GSDME: variants seen among roughly 807,000 people sequenced by gnomAD.
GSDME encodes gasdermin E, also known as gasdermin-E.
A neutral mutation model predicts 47.5 loss-of-function variants in GSDME; 44 were observed. The observed-to-expected ratio is 0.93, with a 90% CI of 0.73 to 1.19. GSDME has a LOEUF of 1.19. GSDME is among the 50% of genes most tolerant of loss of function. The pLI, the probability that GSDME is intolerant of heterozygous loss-of-function variation, is 0.00. For missense variants in GSDME, 663 were observed against 604.2 expected, an observed-to-expected ratio of 1.10 and a Z score of -1.02; for synonymous variants, 258 against 252.8, an observed-to-expected ratio of 1.02 and a Z score of -0.20.
chr7:24,767,249 G>A, the GSDME span, among the ~76,000 whole-genome samples: 2 of 152,252 alleles, frequency 1.3e-5, no homozygotes, highest in East Asian at 1.9e-4. The surrounding 1 kb of genome is among the most constrained non-coding windows in gnomAD (Gnocchi z 5.3). Flanking sequence ...GCTTGAACCT[G>A]GGAGGCAGAG....
Position 24,714,743 on chromosome 7 carries a change from C to G in GSDME, c.697+2511G>C, listed in dbSNP as rs911075417. 3.9e-5 allele frequency among the ~76,000 whole-genome samples: 6 copies of G among 152,224 alleles called. No individual in the cohort carries two copies. Among genetic ancestry groups the G allele is most frequent in the African/African-American group, 9.6e-5 (4 of 41,468 alleles). On this transcript the variant is annotated intron_variant, in intron 5 of 9. Transcript: ENST00000645220. This position sits in a 1 kb window ranked among gnomAD's most constrained non-coding sequence, Gnocchi z 5.0. ...CCATCTGAGAAAGAGAGGCTACCTC[C>G]ACAGAGCTGCGTCAGGGCAGGGTCT...
chr7:24,786,127 G>T, the GSDME span, among the ~76,000 whole-genome samples: 2 of 152,242 alleles, frequency 1.3e-5, no homozygotes, highest in South Asian at 2.1e-4. The surrounding 1 kb of genome is among the most constrained non-coding windows in gnomAD (Gnocchi z 5.5). Context: ...GAGCTTTAAT[G>T]ATAATCTGTC....
rs1790269671 is a variant in GSDME, at chr7:24,735,348, C to A, written c.404+9214G>T. On this transcript the variant is annotated intron_variant, in intron 3 of 9. Transcript: ENST00000645220. This position sits in a 1 kb window ranked among gnomAD's most constrained non-coding sequence, Gnocchi z 4.4. ...AAGCAATAAGAAATCATCTGAAAGT[C>A]CAAAATGTACTTGTAAGTACACAGA... is the stretch of plus-strand genomic sequence containing the variant. 6.6e-6 allele frequency among the ~76,000 whole-genome samples: 1 copy of A among 152,100 alleles called. No homozygotes were observed. The highest frequency in any genetic ancestry group is 6.5e-5 in the Admixed American group (1 of 15,270).
rs1789918066 is a variant in GSDME, at chr7:24,724,952, T to A, written c.405-5734A>T. Among the ~76,000 whole-genome samples, 2 of 152,174 alleles carry A rather than the reference T, an allele frequency of 1.3e-5. No individual in the cohort carries two copies. The highest frequency in any genetic ancestry group is 4.8e-5 in the African/African-American group (2 of 41,448). ...CTTCCCCCTCACTCTCTCTTGTTCC[T>A]CTTTCTTGCTCCTGTTCTTGCCATG... is the stretch of plus-strand genomic sequence containing the variant. On this transcript the variant is annotated intron_variant, in intron 3 of 9. Coordinates refer to ENST00000645220, the MANE Select transcript of GSDME (RefSeq NM_001127453.2). The surrounding 1 kb of genome is among the most constrained non-coding windows in gnomAD (Gnocchi z 4.8).
chr7:24,734,526 AAAC>A (rs1256551991), intron 3 of GSDME, among the ~76,000 whole-genome samples: 1 of 152,238 alleles, frequency 6.6e-6, no homozygotes, highest in Admixed American at 6.5e-5. Context: ...TGTTTTGAGG[AAAC>A]TCAAAGAAAT....
At chr7:24,711,648 C>T (rs1320278581) in intron 5 of GSDME, among the ~76,000 whole-genome samples, 3 of 151,914 alleles carry the variant, frequency 2.0e-5, no homozygotes, top group African/African-American at 7.2e-5. Flanking sequence ...GACCCCGTCT[C>T]TACAAAAAAA....
chr7:24,710,108 CAT>C (rs1789286187), intron 6 of GSDME, 114 bp downstream of exon 6: 6 of 1,178,454 alleles, frequency 5.1e-6, no homozygotes, highest in East Asian at 2.3e-5. Flanking sequence ...CCTCTCTTCT[CAT>C]ATGTTTTCTG....
the GSDME span, among the ~76,000 whole-genome samples, chr7:24,773,566 T>C: frequency 6.6e-6 from 1 of 152,234 alleles, no homozygotes; most frequent in African/African-American, 2.4e-5. This position sits in a 1 kb window ranked among gnomAD's most constrained non-coding sequence, Gnocchi z 5.4. Flanking sequence ...AGATATATTA[T>C]GCAGATCTAA....
At chr7:24,764,764 T>C in the GSDME span, among the ~76,000 whole-genome samples, 7 of 152,320 alleles carry the variant, frequency 4.6e-5, no homozygotes, top group African/African-American at 1.7e-4. This position sits in a 1 kb window ranked among gnomAD's most constrained non-coding sequence, Gnocchi z 4.4. Context: ...AAAGTGGGAA[T>C]AATCACGCCT....
intron 5 of GSDME, 122 bp from the exon 6 acceptor site, chr7:24,710,510 C>A: frequency 1.1e-6 from 1 of 907,844 alleles, no homozygotes; most frequent in South Asian, 1.4e-5. Context: ...GAGCAGAAGA[C>A]CCATCCATCT....
the GSDME span, among the ~76,000 whole-genome samples, chr7:24,767,477 C>G: frequency 2.3e-5 from 3 of 128,478 alleles, no homozygotes; most frequent in Admixed American, 2.4e-4. The surrounding 1 kb of genome is among the most constrained non-coding windows in gnomAD (Gnocchi z 5.3). Context: ...CTCCCTCCCC[C>G]GCCATCACTG....
chr7:24,708,328 T>G, intron 6 of GSDME, 74 bp from the exon 7 acceptor site: 1 of 1,560,482 alleles, frequency 6.4e-7, no homozygotes, highest in Admixed American at 1.7e-5. Context: ...AACTCCTGCT[T>G]TTTATACCTA....
At chr7:24,775,437 C>T in the GSDME span, among the ~76,000 whole-genome samples, 15 of 152,260 alleles carry the variant, frequency 9.9e-5, no homozygotes, top group Admixed American at 8.5e-4. Flanking sequence ...AAAATCATAT[C>T]GCTTGGAATG....
rs1367814935 is a variant in GSDME at position 24,721,943 on chromosome 7, T to G, written c.405-2725A>C. Among the ~76,000 whole-genome samples the G allele has an allele frequency of 2.6e-5, 4 of 152,174 alleles. No homozygotes were observed. The highest frequency in any genetic ancestry group is 9.7e-5 in the African/African-American group (4 of 41,440). ...TGATGGCCACATTTCACTGACTCAT[T>G]GGTCACCTCCTCGGGGAAGCATTCC... On this transcript the variant is annotated intron_variant, in intron 3 of 9. Coordinates refer to ENST00000645220, the MANE Select transcript of GSDME (RefSeq NM_001127453.2). This position sits in a 1 kb window ranked among gnomAD's most constrained non-coding sequence, Gnocchi z 4.1.
upstream of GSDME, among the ~76,000 whole-genome samples, chr7:24,762,671 G>A (rs1791185025): frequency 6.6e-6 from 1 of 152,126 alleles, no homozygotes; most frequent in African/African-American, 2.4e-5. Context: ...AGTATAGCGG[G>A]AAAGGCAGAC....
rs1350903697 is a variant in GSDME, at chr7:24,725,443, A to G, written c.405-6225T>C. Reference sequence around the variant, plus strand: ...GGTGTAGGAGGACGAGCCGCAGACAAAACTCCTCAGATACCAAGTTAAACA... The same window carrying G: ...GGTGTAGGAGGACGAGCCGCAGACAGAACTCCTCAGATACCAAGTTAAACA... On this transcript the variant is annotated intron_variant, in intron 3 of 9. Coordinates refer to ENST00000645220, the MANE Select transcript of GSDME (RefSeq NM_001127453.2). The surrounding 1 kb of genome is among the most constrained non-coding windows in gnomAD (Gnocchi z 5.1). Among the ~76,000 whole-genome samples, 1 of 152,122 alleles carries G rather than the reference A, an allele frequency of 6.6e-6. No individual in the cohort carries two copies. The highest frequency in any genetic ancestry group is 2.4e-5 in the African/African-American group (1 of 41,416).
intron 3 of GSDME, among the ~76,000 whole-genome samples, chr7:24,722,520 C>A (rs1167241242): frequency 6.6e-6 from 1 of 152,186 alleles, no homozygotes; most frequent in Non-Finnish European, 1.5e-5. Context: ...GCCCTCACAA[C>A]TAAGGCATGG....
intron 4 of GSDME, among the ~76,000 whole-genome samples, chr7:24,717,863 C>T (rs536981073): frequency 8.0e-4 from 121 of 152,192 alleles, no homozygotes; most frequent in Non-Finnish European, 1.4e-3. Flanking sequence ...GGGAAGAGGC[C>T]GGAGGGAGGA....
upstream of GSDME, among the ~76,000 whole-genome samples, chr7:24,762,075 G>A (rs1791174503): frequency 6.6e-6 from 1 of 152,088 alleles, no homozygotes. Context: ...CCAACATGGT[G>A]AAACCCCATC....
Sources: allele counts gnomAD v4.1 joint callset (sites outside exome capture counted in the v4.1 genomes callset), GRCh38; gene constraint gnomAD v4.1.1; non-coding constraint Gnocchi (gnomAD v3.1); transcripts MANE v1.5; gene names NCBI Gene and HGNC (gene_info 2026-07-23, HGNC 2026-07-21).